Variants in COG5 observed in about 807,000 individuals in gnomAD.
COG5 encodes conserved oligomeric Golgi complex subunit 5.
In COG5, 86 loss-of-function variants were observed where a neutral mutation model predicts 110.4. The observed-to-expected ratio is 0.78, with a 90% CI of 0.65 to 0.93. COG5 has a LOEUF of 0.93. Ranked by LOEUF, COG5 falls within the 40% of genes least tolerant of loss-of-function variation. The pLI is 0.00. For synonymous variants in COG5, 360 were observed against 334.6 expected (o/e 1.08, Z -0.83); for missense variants, 1,077 against 987.0 (o/e 1.09, Z -1.22).
In COG5 at chr7:107,302,469, G is replaced by T. The variant is rs138492360; in HGVS notation, c.1109-4123C>A. On this transcript the variant is annotated intron_variant, in intron 11 of 21. Coordinates refer to ENST00000297135, the MANE Select transcript of COG5 (RefSeq NM_006348.5). Reference sequence around the variant, plus strand: ...ATTGATTATTGTGATGATTTCAGGGGTGTACTCATATGTCAAAACATATCA... The same window carrying T: ...ATTGATTATTGTGATGATTTCAGGGTTGTACTCATATGTCAAAACATATCA... Among the ~76,000 whole-genome samples, 179 of 152,220 alleles carry T rather than the reference G, an allele frequency of 1.2e-3. 2 individuals are homozygous for T. Among genetic ancestry groups the T allele is most frequent in the African/African-American group, 4.1e-3 (170 of 41,544 alleles).
intron 1 of COG5, among the ~76,000 whole-genome samples, chr7:107,563,097 G>GATT (rs1804029510): frequency 6.6e-6 from 1 of 152,110 alleles, no homozygotes; most frequent in Non-Finnish European, 1.5e-5. Context: ...AAGAGATTCG[G>GATT]GACATGGTAA....
chr7:107,256,784 C>T lies in COG5; in HGVS notation c.1697G>A (p.Ser566Asn). ...LHQSVTKVVS[S>N]QSSFPLAAEQ... ...AGCTGCCAGTGGGAATGAGCTCTGA[C>T]TGGAAACAACCTAGAACAAGGTTTT... The change falls in exon 16 of 22, where the codon AGT becomes AAT. Residue 566 changes from serine to asparagine, a missense_variant. Physicochemically the swap from Ser to Asn is conservative, Grantham distance 46. Coordinates refer to ENST00000297135, the MANE Select transcript of COG5 (RefSeq NM_006348.5). 1 of 1,610,242 alleles carries T rather than the reference C, an allele frequency of 6.2e-7. No homozygotes were observed.
At chr7:107,262,102 G>A (rs1803404908) in intron 14 of COG5, among the ~76,000 whole-genome samples, 1 of 151,976 alleles carries the variant, frequency 6.6e-6, no homozygotes, top group Non-Finnish European at 1.5e-5. Context: ...TGTTAGCTAG[G>A]CTGGTCTTGA....
At chr7:107,543,748 G>A (rs1480123719) in intron 5 of COG5, among the ~76,000 whole-genome samples, 1 of 151,894 alleles carries the variant, frequency 6.6e-6, no homozygotes, top group Non-Finnish European at 1.5e-5. Context: ...CAGCACACAA[G>A]GACACAGGCT....
At chr7:107,251,887 T>C (rs546896596) in intron 16 of COG5, among the ~76,000 whole-genome samples, 8 of 152,116 alleles carry the variant, frequency 5.3e-5, no homozygotes, top group Non-Finnish European at 7.4e-5. Flanking sequence ...GCAGAAATCA[T>C]TGAAACAGAA....
rs1801213449 is a variant in COG5 at position 107,236,620 on chromosome 7, T to C, written c.1921A>G (p.Ile641Val). The C allele has an allele frequency of 2.5e-6, 4 of 1,614,034 alleles. No homozygotes were observed. The highest frequency in any genetic ancestry group is 3.4e-6 in the Non-Finnish European group (4 of 1,180,020). The change falls in exon 18 of 22, where the codon ATT (isoleucine) becomes GTT (valine). Residue 641 changes from isoleucine to valine, a missense_variant. Physicochemically the swap from Ile to Val is conservative, Grantham distance 29. Coordinates refer to ENST00000297135, the MANE Select transcript of COG5 (RefSeq NM_006348.5). ...AAATAGTCACTCATAACTCTGGCAATGAAACCTTGTAGCTCCTTCATGTAC... is the reference window on the plus strand; with the variant it reads ...AAATAGTCACTCATAACTCTGGCAACGAAACCTTGTAGCTCCTTCATGTAC... Reference protein sequence around the residue: ...SLYMKELQGFIARVMSDYFKH... With the variant: ...SLYMKELQGFVARVMSDYFKH...
chr7:107,346,976 A>T (rs925469270), intron 10 of COG5, among the ~76,000 whole-genome samples: 1 of 152,218 alleles, frequency 6.6e-6, no homozygotes, highest in Non-Finnish European at 1.5e-5. Context: ...TAAGATTGAG[A>T]AAGTGTTCAC....
At chr7:107,485,716 C>T (rs1162369456) in intron 6 of COG5, among the ~76,000 whole-genome samples, 1 of 152,042 alleles carries the variant, frequency 6.6e-6, no homozygotes, top group Admixed American at 6.6e-5. Context: ...AGCACTTAGC[C>T]CTCACTTAAT....
intron 7 of COG5, among the ~76,000 whole-genome samples, chr7:107,408,324 C>T (rs1792013938): frequency 6.6e-6 from 1 of 152,128 alleles, no homozygotes. Context: ...GTGTGCTGGT[C>T]CTTAGATGAG....
chr7:107,535,192 C>A (rs183235960), intron 5 of COG5, among the ~76,000 whole-genome samples: 1 of 151,698 alleles, frequency 6.6e-6, no homozygotes, highest in East Asian at 1.9e-4. Context: ...AAATTTATAG[C>A]ACTAAATGCC....
intron 6 of COG5, among the ~76,000 whole-genome samples, chr7:107,479,722 G>A (rs946824604): frequency 1.1e-4 from 17 of 152,112 alleles, no homozygotes; most frequent in Admixed American, 2.0e-4. Context: ...CTGGCAAGGC[G>A]GAAAACTCAA....
chr7:107,415,252 T>C (rs1258251257), intron 6 of COG5, among the ~76,000 whole-genome samples: 2 of 152,116 alleles, frequency 1.3e-5, no homozygotes, highest in African/African-American at 4.8e-5. Context: ...TCATGCACCA[T>C]GATGAGGAGT....
intron 6 of COG5, among the ~76,000 whole-genome samples, chr7:107,483,890 A>AT (rs11392797): frequency 0.99 from 146,817 of 147,854 alleles, 72,898 homozygotes; most frequent in Middle Eastern, 1. Context: ...ATGGTTATAC[A>AT]TTTTTTTTTT....
intron 6 of COG5, among the ~76,000 whole-genome samples, chr7:107,461,908 A>AGT (rs1204597790): frequency 6.6e-6 from 1 of 152,224 alleles, no homozygotes; most frequent in Non-Finnish European, 1.5e-5. Context: ...AAGTGGAGAA[A>AGT]TATACCATGT....
At chr7:107,488,763 C>T (rs1404510770) in intron 6 of COG5, among the ~76,000 whole-genome samples, 4 of 152,026 alleles carry the variant, frequency 2.6e-5, no homozygotes, top group Non-Finnish European at 5.9e-5. Context: ...GAGAGGACCA[C>T]CTAAGCCCAG....
At chr7:107,325,002 A>T (rs12537733) in intron 10 of COG5, among the ~76,000 whole-genome samples, 28,267 of 152,132 alleles carry the variant, frequency 0.19, 2,785 homozygotes, top group Non-Finnish European at 0.22. Flanking sequence ...CCTGCTTACA[A>T]CATGCTTGTT....
intron 11 of COG5, among the ~76,000 whole-genome samples, chr7:107,311,602 C>A (rs1808275152): frequency 6.7e-6 from 1 of 150,096 alleles, no homozygotes; most frequent in Non-Finnish European, 1.5e-5. Context: ...ACCTTGTTAG[C>A]CAGGATGGTC....
intron 11 of COG5, among the ~76,000 whole-genome samples, chr7:107,304,156 A>AT: frequency 6.6e-6 from 1 of 152,288 alleles, no homozygotes; most frequent in East Asian, 1.9e-4. Context: ...GTCTTCTTGA[A>AT]TTCACTGCAA....
At chr7:107,217,398 G>A (rs1197306548) in intron 19 of COG5, among the ~76,000 whole-genome samples, 1 of 152,064 alleles carries the variant, frequency 6.6e-6, no homozygotes. Context: ...AGTTTTAGGA[G>A]GCCCTGATAC....
Sources: gnomAD v4.1 joint callset for allele counts (sites outside exome capture counted in the v4.1 genomes callset) on GRCh38, gnomAD v4.1.1 for gene constraint, MANE v1.5 for transcripts, NCBI Gene and HGNC (gene_info 2026-07-23, HGNC 2026-07-21) for gene names.